The following DLG4 variants were observed in gnomAD, a reference collection of about 807,000 sequenced individuals.
The protein encoded by DLG4 is disks large homolog 4.
In DLG4, 7 loss-of-function variants were observed where a neutral mutation model predicts 93.8. The ratio of observed to expected loss-of-function variants is 0.07; its 90% CI spans 0.04 to 0.14. The LOEUF is 0.14. Among genes scored for constraint, DLG4 ranks in the 10% least tolerant of loss-of-function variants. The pLI is 1.00. For missense variants in DLG4, 545 were observed against 992.9 expected (o/e 0.55, Z 6.06); for synonymous variants, 341 against 387.6 (o/e 0.88, Z 1.41).
intron 8 of DLG4, among the ~76,000 whole-genome samples, chr17:7,199,511 T>A (rs2070000578): frequency 6.6e-6 from 1 of 152,084 alleles, no homozygotes; most frequent in African/African-American, 2.4e-5. Flanking sequence ...AAAATATTTT[T>A]AAGTATTATT....
intron 2 of DLG4, among the ~76,000 whole-genome samples, chr17:7,206,215 G>C (rs940056952): frequency 2.0e-5 from 3 of 151,964 alleles, no homozygotes; most frequent in Non-Finnish European, 4.4e-5. Flanking sequence ...TCAGCCTCCT[G>C]AGTAGCTACA....
chr17:7,207,442 C>G (rs752811003), intron 2 of DLG4, among the ~76,000 whole-genome samples: 5 of 151,900 alleles, frequency 3.3e-5, no homozygotes, highest in Non-Finnish European at 7.4e-5. Flanking sequence ...GACGAGGCAG[C>G]AAGGCCCCAC....
In DLG4 at chr17:7,208,858, G is replaced by A. The variant is rs2070597578; in HGVS notation, c.31-619C>T. 6.6e-6 allele frequency among the ~76,000 whole-genome samples: 1 copy of A among 152,036 alleles called. No individual in the cohort carries two copies. The stretch of plus-strand genomic sequence containing the variant: ...ACTGAAGTCACCCCTTCCACCAGAA[G>A]GTACTTGGTATCAGCCCCCGAGACA... On this transcript the variant is annotated intron_variant, in intron 1 of 19. Coordinates refer to ENST00000399506, the MANE Select transcript of DLG4 (RefSeq NM_001321075.3). The surrounding 1 kb of genome is among the most constrained non-coding windows in gnomAD (Gnocchi z 5.4).
At chr17:7,209,269 G>A (rs2070615411) in intron 1 of DLG4, among the ~76,000 whole-genome samples, 1 of 152,184 alleles carries the variant, frequency 6.6e-6, no homozygotes, top group South Asian at 2.1e-4. Flanking sequence ...TTAACTGGGG[G>A]CCAGAGAAGG....
intron 8 of DLG4, among the ~76,000 whole-genome samples, chr17:7,200,784 G>T (rs899279023): frequency 1.3e-5 from 2 of 151,234 alleles, no homozygotes; most frequent in African/African-American, 4.9e-5. Context: ...AACCTCAGGT[G>T]ACTCACCCAT....
chr17:7,187,311 G>GGGC lies in DLG4; in HGVS notation c.*3396_*3397insGCC, dbSNP rs1555599133. Among the ~76,000 whole-genome samples, 1 of 125,574 alleles carries GGGC rather than the reference G, an allele frequency of 8.0e-6. No individual in the cohort carries two copies. The highest frequency in any genetic ancestry group is 1.9e-5 in the Non-Finnish European group (1 of 53,880). The allele number at this position is 125,574 out of a possible 152,430, so 82.4% of individuals were successfully genotyped here. A position where few individuals can be genotyped will look rare whatever the true frequency, so the allele number is the denominator to read the frequency against. On this transcript the variant is annotated 3_prime_UTR_variant, in exon 20 of 20. Transcript: ENST00000399506. ...TCCTAGCACTTTGGGAGGCCGAGGG[G>GGGC]GGGGGGGGTGGATCACCCGAGGTCA... is the stretch of plus-strand genomic sequence containing the variant.
chr17:7,192,900 G>C, intron 17 of DLG4, 45 bp downstream of exon 17: 1 of 1,543,812 alleles, frequency 6.5e-7, no homozygotes, highest in Non-Finnish European at 8.8e-7. Context: ...CAGTGGGGTG[G>C]GGAGAGGGGA....
intron 2 of DLG4, among the ~76,000 whole-genome samples, chr17:7,204,684 T>A (rs938330031): frequency 1.3e-5 from 2 of 152,048 alleles, no homozygotes; most frequent in Non-Finnish European, 2.9e-5. Context: ...AGGGATCATG[T>A]CCACCGGGTC....
At position 7,189,302 on chromosome 17, in the gene DLG4, C is replaced by A. The variant is rs1405329008; in HGVS notation, c.*1406G>T. On this transcript the variant is annotated 3_prime_UTR_variant, in exon 20 of 20. Transcript: ENST00000399506. ...GTCAGGAGTTCAAGACCAGCCTGAC[C>A]AACATGGTGAAACCCCATCTCTACT... 1.3e-5 allele frequency among the ~76,000 whole-genome samples: 2 copies of A among 151,526 alleles called. No homozygotes were observed. The highest frequency in any genetic ancestry group is 6.6e-5 in the Admixed American group (1 of 15,228).
rs1038724340 is a variant in DLG4, at chr17:7,193,259, G to C, written c.1694-142C>G. On this transcript the variant is annotated intron_variant, in intron 16 of 19. Coordinates refer to ENST00000399506, the MANE Select transcript of DLG4 (RefSeq NM_001321075.3). The surrounding 1 kb of genome is among the most constrained non-coding windows in gnomAD (Gnocchi z 6.7). ...GCCAGGGAGACCAAGACTGCAGAGG[G>C]CCAGAACCGCTTCCCCTAGCACCCT... 40 of 1,285,616 alleles carry C rather than the reference G, an allele frequency of 3.1e-5. No individual in the cohort carries two copies. Among genetic ancestry groups the C allele is most frequent in the Non-Finnish European group, 4.0e-5 (37 of 915,396 alleles). The allele number at this position is 1,285,616 out of a possible 1,614,324, so 79.6% of individuals were successfully genotyped here.
chr17:7,217,452 TG>T lies in DLG4; in HGVS notation c.-306del. On this transcript the variant is annotated 5_prime_UTR_variant, in exon 1 of 20. The change abolishes the stop of an existing upstream ORF in the 5' untranslated region. Transcript: ENST00000399506. ...GCTGGCAGCCCCGGAGTTCGGGGGC[TG>T]GGGCATGAGCTGGGGTGGGGGAGGG... 7.8e-6 allele frequency: 1 copy of T among 127,588 alleles called. No individual in the cohort carries two copies. Among genetic ancestry groups the T allele is most frequent in the Non-Finnish European group, 1.3e-5 (1 of 75,018 alleles). The allele number at this position is 127,588 out of a possible 1,614,324, so 7.9% of individuals were successfully genotyped here.
intron 2 of DLG4, chr17:7,204,972 A>G: frequency 1.0e-6 from 1 of 985,742 alleles, no homozygotes; most frequent in South Asian, 4.7e-5. Context: ...CGTCAGGACA[A>G]CAGGGGGGTG....
rs540701967 is a variant in DLG4 at position 7,187,312 on chromosome 17, G to C, written c.*3396C>G. Among the ~76,000 whole-genome samples, 161 of 124,002 alleles carry C rather than the reference G, an allele frequency of 1.3e-3. 19 individuals are homozygous for C. Among genetic ancestry groups the C allele is most frequent in the African/African-American group, 3.9e-3 (150 of 38,646 alleles). The allele number at this position is 124,002 out of a possible 152,430, so 81.4% of individuals were successfully genotyped here. A position where few individuals can be genotyped will look rare whatever the true frequency, so the allele number is the denominator to read the frequency against. On this transcript the variant is annotated 3_prime_UTR_variant, in exon 20 of 20. Transcript: ENST00000399506. ...CCTAGCACTTTGGGAGGCCGAGGGG[G>C]GGGGGGGTGGATCACCCGAGGTCAG...
Position 7,193,138 on chromosome 17 carries a change from C to T in DLG4, c.1694-21G>A. 1 of 1,612,910 alleles carries T rather than the reference C, an allele frequency of 6.2e-7. No homozygotes were observed. Among genetic ancestry groups the T allele is most frequent in the South Asian group, 1.1e-5 (1 of 91,008 alleles). On this transcript the variant is annotated intron_variant, in intron 16 of 19. Transcript: ENST00000399506. This position sits in a 1 kb window ranked among gnomAD's most constrained non-coding sequence, Gnocchi z 6.7. ...CGTATCTGCCAGGAAGTCACCCCAC[C>T]CCCCAAAGATCTAACCACCATCCCT...
At position 7,188,375 on chromosome 17, in the gene DLG4, A is replaced by G. The variant is rs960185138; in HGVS notation, c.*2333T>C. On this transcript the variant is annotated 3_prime_UTR_variant, in exon 20 of 20. Transcript: ENST00000399506. ...CTCAACTTTAGTCAGGAGTGGCTAC[A>G]AAAAATGCCCTTTTGCACTGTTTGG... is the stretch of plus-strand genomic sequence containing the variant. Among the ~76,000 whole-genome samples the G allele has an allele frequency of 1.4e-5, 2 of 146,114 alleles. No individual in the cohort carries two copies. Among genetic ancestry groups the G allele is most frequent in the African/African-American group, 2.5e-5 (1 of 39,822 alleles).
At chr17:7,200,107 G>C (rs1171930565) in intron 8 of DLG4, among the ~76,000 whole-genome samples, 1 of 152,124 alleles carries the variant, frequency 6.6e-6, no homozygotes, top group Admixed American at 6.5e-5. Flanking sequence ...TGGTTTTACA[G>C]TATTATTTCA....
intron 8 of DLG4, among the ~76,000 whole-genome samples, chr17:7,199,870 C>T (rs948795943): frequency 7.9e-5 from 12 of 151,406 alleles, no homozygotes; most frequent in African/African-American, 2.7e-4. Context: ...GTCCCAGCTA[C>T]TCGGGAGGCT....
intron 8 of DLG4, among the ~76,000 whole-genome samples, chr17:7,197,465 A>T (rs1483020087): frequency 6.6e-6 from 1 of 151,522 alleles, no homozygotes; most frequent in African/African-American, 2.4e-5. Flanking sequence ...GTCTAAAAGA[A>T]TTTCCCACAT....
chr17:7,190,963 CTTTTTTTTT>C (rs35868661), intron 19 of DLG4, 149 bp from the exon 20 acceptor site: 19,724 of 348,314 alleles, frequency 0.057, 477 homozygotes, highest in African/African-American at 0.18. Context: ...AGGGGCACCT[CTTTTTTTTT>C]TTTTTTTTTT....
Sources: allele counts gnomAD v4.1 joint callset (sites outside exome capture counted in the v4.1 genomes callset), GRCh38; gene constraint gnomAD v4.1.1; non-coding constraint Gnocchi (gnomAD v3.1); transcripts MANE v1.5; gene names NCBI Gene and HGNC (gene_info 2026-07-23, HGNC 2026-07-21).